The following PTPRD variants were observed in gnomAD, a reference collection of about 807,000 sequenced individuals.
The protein encoded by PTPRD is protein tyrosine phosphatase receptor type D, also known as receptor-type tyrosine-protein phosphatase delta.
A neutral mutation model predicts 214.5 loss-of-function variants in PTPRD; 34 were observed. That is an observed-to-expected ratio of 0.16 (90% CI 0.12 to 0.21). The LOEUF is 0.21. PTPRD is among the 10% of genes least tolerant of loss of function. The pLI, the probability that PTPRD is intolerant of heterozygous loss-of-function variation, is 1.00. For synonymous variants in PTPRD, 1,128 were observed against 845.7 expected, an observed-to-expected ratio of 1.33 and a Z score of -5.79; for missense variants, 2,545 against 2,398.7, an observed-to-expected ratio of 1.06 and a Z score of -1.27.
intron 8 of PTPRD, among the ~76,000 whole-genome samples, chr9:9,425,550 C>G (rs763930575): frequency 7.2e-6 from 1 of 139,262 alleles, no homozygotes; most frequent in Non-Finnish European, 1.5e-5. Context: ...TTTGCAGCCT[C>G]CTAACATATA....
At chr9:9,471,125 G>T (rs563978976) in intron 8 of PTPRD, among the ~76,000 whole-genome samples, 9 of 152,240 alleles carry the variant, frequency 5.9e-5, no homozygotes, top group African/African-American at 1.7e-4. Context: ...TCTGCATTTT[G>T]TATCCTTCCT....
At chr9:10,176,175 C>T (rs548953151) in intron 3 of PTPRD, among the ~76,000 whole-genome samples, 2 of 151,856 alleles carry the variant, frequency 1.3e-5, no homozygotes, top group South Asian at 4.1e-4. Context: ...TTGTATTAAC[C>T]TTTTAATATT....
At chr9:10,012,864 A>G (rs1177274373) in intron 4 of PTPRD, among the ~76,000 whole-genome samples, 1 of 151,940 alleles carries the variant, frequency 6.6e-6, no homozygotes, top group Non-Finnish European at 1.5e-5. Context: ...GCACAAAATA[A>G]CAGAAGACAT....
At chr9:10,020,091 C>G (rs935381521) in intron 4 of PTPRD, among the ~76,000 whole-genome samples, 1 of 152,046 alleles carries the variant, frequency 6.6e-6, no homozygotes, top group African/African-American at 2.4e-5. Flanking sequence ...AATAACCTTA[C>G]TTTTGTGATT....
intron 4 of PTPRD, among the ~76,000 whole-genome samples, chr9:10,032,593 T>C (rs1325453868): frequency 6.6e-6 from 1 of 152,184 alleles, no homozygotes; most frequent in Non-Finnish European, 1.5e-5. Context: ...TGTACAAGCT[T>C]ACTTGTATGT....
chr9:10,258,305 G>C (rs991010517), intron 3 of PTPRD, among the ~76,000 whole-genome samples: 1 of 152,194 alleles, frequency 6.6e-6, no homozygotes, highest in African/African-American at 2.4e-5. Context: ...CATGGGAGCT[G>C]AGGGCTTTTG....
intron 5 of PTPRD, among the ~76,000 whole-genome samples, chr9:9,804,023 T>TA (rs1321595584): frequency 1.3e-5 from 2 of 152,228 alleles, no homozygotes; most frequent in Middle Eastern, 3.4e-3. Flanking sequence ...ATTCCAATGT[T>TA]AAAATCTACA....
intron 34 of PTPRD, chr9:8,438,746 G>A (rs575930308): frequency 1.1e-4 from 17 of 152,264 alleles, no homozygotes; most frequent in Non-Finnish European, 2.5e-4. Flanking sequence ...TATATGGACT[G>A]AGTGGTGGTT....
intron 9 of PTPRD, among the ~76,000 whole-genome samples, chr9:9,366,584 A>G (rs981410338): frequency 9.9e-5 from 15 of 151,704 alleles, no homozygotes; most frequent in Admixed American, 5.9e-4. Context: ...CTGTTTAATC[A>G]GACAGAAATT....
Position 10,211,166 on chromosome 9 carries a change from T to C in PTPRD, c.-545+129797A>G, listed in dbSNP as rs927542372. Among the ~76,000 whole-genome samples, 6 of 152,096 alleles carry C rather than the reference T, an allele frequency of 3.9e-5. No homozygotes were observed. The East Asian group carries it at 7.7e-4, about 20-fold the overall frequency. On this transcript the variant is annotated intron_variant, in intron 3 of 45. Coordinates refer to ENST00000381196, the MANE Select transcript of PTPRD (RefSeq NM_002839.4). ...TTGGGGTAAGCAATTAATTTCTTTATTTCCTTTAGTTTTATTGTAATGCCA... is the reference window on the plus strand; with the variant it reads ...TTGGGGTAAGCAATTAATTTCTTTACTTCCTTTAGTTTTATTGTAATGCCA...
At chr9:8,414,787 A>G (rs555111604) in intron 35 of PTPRD, among the ~76,000 whole-genome samples, 3 of 150,684 alleles carry the variant, frequency 2.0e-5, no homozygotes, top group South Asian at 2.1e-4. Flanking sequence ...ATTCACATCT[A>G]TATCTAGGCA....
At chr9:9,697,056 A>T (rs1023595641) in intron 7 of PTPRD, among the ~76,000 whole-genome samples, 7 of 152,138 alleles carry the variant, frequency 4.6e-5, no homozygotes, top group Non-Finnish European at 1.0e-4. Context: ...AAACAAAGGA[A>T]TAGTTAAAAC....
chr9:8,544,758 A>T (rs935197128), intron 14 of PTPRD, among the ~76,000 whole-genome samples: 2 of 152,002 alleles, frequency 1.3e-5, no homozygotes, highest in African/African-American at 4.8e-5. Context: ...GGCATGAGCC[A>T]CCATGCCTGG....
intron 8 of PTPRD, among the ~76,000 whole-genome samples, chr9:9,457,295 T>C (rs767514587): frequency 6.6e-6 from 1 of 151,944 alleles, no homozygotes; most frequent in Non-Finnish European, 1.5e-5. Context: ...TTCAATATAG[T>C]CCTTTATGAT....
chr9:9,381,498 C>T (rs563398022), intron 9 of PTPRD, among the ~76,000 whole-genome samples: 39 of 151,346 alleles, frequency 2.6e-4, no homozygotes, highest in African/African-American at 9.2e-4. Flanking sequence ...GTAGCTAGGA[C>T]TATATGCATG....
intron 8 of PTPRD, among the ~76,000 whole-genome samples, chr9:9,472,492 C>A (rs2094689629): frequency 6.6e-6 from 1 of 151,940 alleles, no homozygotes; most frequent in Admixed American, 6.6e-5. Context: ...CGTGAGCCAC[C>A]ACGCCCGGCC....
intron 11 of PTPRD, among the ~76,000 whole-genome samples, chr9:8,836,976 C>T (rs1374941180): frequency 6.6e-6 from 1 of 151,808 alleles, no homozygotes; most frequent in East Asian, 1.9e-4. Flanking sequence ...CCCATCCCCC[C>T]ACCATTTGGG....
chr9:8,744,545 G>A (rs925385940), intron 11 of PTPRD, among the ~76,000 whole-genome samples: 9 of 152,226 alleles, frequency 5.9e-5, no homozygotes, highest in African/African-American at 9.6e-5. Flanking sequence ...AGTAGCTCAG[G>A]AATGGAAAAC....
chr9:8,586,928 A>C (rs1033562374), intron 14 of PTPRD, among the ~76,000 whole-genome samples: 1 of 152,204 alleles, frequency 6.6e-6, no homozygotes, highest in Non-Finnish European at 1.5e-5. Flanking sequence ...TGGGCGGACC[A>C]TGAGGTCGGA....
Sources: allele counts gnomAD v4.1 joint callset (sites outside exome capture counted in the v4.1 genomes callset), GRCh38; gene constraint gnomAD v4.1.1; transcripts MANE v1.5; gene names NCBI Gene and HGNC (gene_info 2026-07-23, HGNC 2026-07-21).